Variants in CDIN1 observed in about 807,000 individuals in gnomAD.
CDIN1 encodes CDAN1-interacting nuclease 1.
A neutral mutation model predicts 45.3 loss-of-function variants in CDIN1; 33 were observed. That is an observed-to-expected ratio of 0.73 (90% CI 0.55 to 0.97). The LOEUF is 0.97. Ranked by LOEUF, CDIN1 falls within the 50% of genes least tolerant of loss-of-function variation. CDIN1 has a pLI of 0.00. For synonymous variants in CDIN1, 118 were observed against 124.4 expected, an observed-to-expected ratio of 0.95 and a Z score of 0.34; for missense variants, 303 against 339.4, an observed-to-expected ratio of 0.89 and a Z score of 0.84.
intron 10 of CDIN1, among the ~76,000 whole-genome samples, chr15:36,800,909 G>GTATATATATATA (rs370036091): frequency 0.029 from 651 of 22,288 alleles, 71 homozygotes; most frequent in East Asian, 0.053. Flanking sequence ...GTGTGTGTGT[G>GTATATATATATA]TATATATATA....
At chr15:36,655,675 T>G (rs562588461) in intron 4 of CDIN1, among the ~76,000 whole-genome samples, 1 of 152,328 alleles carries the variant, frequency 6.6e-6, no homozygotes, top group South Asian at 2.1e-4. Flanking sequence ...AAGTTTATGC[T>G]ATTAGTAACT....
intron 10 of CDIN1, among the ~76,000 whole-genome samples, chr15:36,772,132 A>G (rs2054096087): frequency 6.6e-6 from 1 of 152,128 alleles, no homozygotes; most frequent in African/African-American, 2.4e-5. Context: ...AACACATCAT[A>G]TCTTCAAGTA....
At chr15:36,591,666 C>T (rs717316) in intron 1 of CDIN1, 88,197 of 152,028 alleles carry the variant, frequency 0.58, 25,867 homozygotes, top group Middle Eastern at 0.68. Flanking sequence ...TAAAACATTG[C>T]TTGGGAGGGA....
intron 5 of CDIN1, among the ~76,000 whole-genome samples, chr15:36,660,083 T>C (rs1949310534): frequency 6.8e-6 from 1 of 148,016 alleles, no homozygotes; most frequent in Non-Finnish European, 1.5e-5. Flanking sequence ...TCAATGCACA[T>C]GGCTCCGCAG....
chr15:36,737,525 C>T (rs959666236), intron 10 of CDIN1, among the ~76,000 whole-genome samples: 3 of 152,144 alleles, frequency 2.0e-5, no homozygotes, highest in African/African-American at 7.2e-5. Flanking sequence ...CTTTTGTGGA[C>T]AGCTGACTTC....
intron 10 of CDIN1, among the ~76,000 whole-genome samples, chr15:36,801,734 G>A (rs2055055940): frequency 6.6e-6 from 1 of 152,152 alleles, no homozygotes; most frequent in Non-Finnish European, 1.5e-5. Flanking sequence ...TAGTGATTCT[G>A]TAATTCTCAT....
At chr15:36,744,859 A>T (rs1344331342) in intron 10 of CDIN1, among the ~76,000 whole-genome samples, 1 of 152,216 alleles carries the variant, frequency 6.6e-6, no homozygotes, top group African/African-American at 2.4e-5. Context: ...TCTCTGTGGC[A>T]TGAAGTTTTT....
intron 1 of CDIN1, among the ~76,000 whole-genome samples, chr15:36,622,253 AG>A (rs1304085449): frequency 6.6e-6 from 1 of 152,116 alleles, no homozygotes; most frequent in Non-Finnish European, 1.5e-5. Flanking sequence ...TGTCACGTGT[AG>A]AGTGAAGCTA....
chr15:36,764,312 A>G (rs1406977615), intron 10 of CDIN1, among the ~76,000 whole-genome samples: 2 of 149,774 alleles, frequency 1.3e-5, no homozygotes, highest in Non-Finnish European at 3.0e-5. Context: ...TGACTTTTAG[A>G]GATAATTCTG....
intron 10 of CDIN1, among the ~76,000 whole-genome samples, chr15:36,725,769 A>G (rs2043600703): frequency 6.6e-6 from 1 of 152,110 alleles, no homozygotes; most frequent in Non-Finnish European, 1.5e-5. Context: ...TTAATTTAGT[A>G]TATCATGGTG....
chr15:36,668,505 A>G (rs1595446573), intron 5 of CDIN1, among the ~76,000 whole-genome samples: 1 of 152,254 alleles, frequency 6.6e-6, no homozygotes, highest in African/African-American at 2.4e-5. Context: ...ACCCAAGCCT[A>G]CATGTCCTGC....
intron 4 of CDIN1, among the ~76,000 whole-genome samples, chr15:36,656,424 G>C (rs2040785831): frequency 1.3e-5 from 2 of 152,038 alleles, no homozygotes; most frequent in African/African-American, 4.8e-5. Context: ...TACTTTTCCA[G>C]TTTCAAGTCT....
chr15:36,602,959 G>A (rs942841743), intron 1 of CDIN1, among the ~76,000 whole-genome samples: 1 of 151,778 alleles, frequency 6.6e-6, no homozygotes, highest in African/African-American at 2.4e-5. Context: ...CTGCACTCCA[G>A]CCTGGGTGAC....
intron 8 of CDIN1, among the ~76,000 whole-genome samples, chr15:36,700,061 T>A (rs942783503): frequency 6.6e-6 from 1 of 152,216 alleles, no homozygotes; most frequent in Non-Finnish European, 1.5e-5. Context: ...ATAAGTCAGA[T>A]GAAGTGTCTG....
chr15:36,580,486 A>C (rs560322160), intron 1 of CDIN1, among the ~76,000 whole-genome samples: 1 of 152,326 alleles, frequency 6.6e-6, no homozygotes, highest in South Asian at 2.1e-4. Flanking sequence ...CAGGGTACCC[A>C]GGGATTCCAC....
intron 1 of CDIN1, among the ~76,000 whole-genome samples, chr15:36,585,049 G>A (rs12708543): frequency 0.37 from 55,501 of 151,940 alleles, 10,288 homozygotes; most frequent in Middle Eastern, 0.46. Flanking sequence ...AGAAGCCCCT[G>A]GTCCAATCAG....
chr15:36,696,000 G>A (rs2042410488), intron 7 of CDIN1, among the ~76,000 whole-genome samples: 2 of 151,992 alleles, frequency 1.3e-5, no homozygotes, highest in Non-Finnish European at 2.9e-5. Flanking sequence ...TTTTTGAGAA[G>A]CTATATGGAG....
rs1566991634 is a variant in CDIN1 at position 36,809,288 on chromosome 15, G to A, written c.*835G>A. The stretch of plus-strand genomic sequence containing the variant: ...AACATGGCTAGTTGTCAGTATGTAC[G>A]TGAGCTAGTATTTTTATGAGTCGAG... On this transcript the variant is annotated 3_prime_UTR_variant, in exon 11 of 11. Transcript: ENST00000566621. The A allele has an allele frequency of 4.8e-6, 1 of 209,042 alleles. No individual in the cohort carries two copies. Among genetic ancestry groups the A allele is most frequent in the Admixed American group, 5.4e-5 (1 of 18,546 alleles). 12.9% of individuals were successfully genotyped at this position (209,042 alleles called of 1,614,324 possible).
Position 36,657,846 on chromosome 15 carries a change from C to T in CDIN1, c.287C>T (p.Pro96Leu). Residue 96 changes from proline to leucine, a missense_variant, in exon 5 of 11, where the codon CCC becomes CTC. Coordinates refer to ENST00000566621, the MANE Select transcript of CDIN1 (RefSeq NM_001321759.2). ...LDLANEVDYA[P>L]SLMARLILER... ...TGTTTTATAAAGGTGGACTATGCGCCCTCATTAATGGCTCGGCTTATACTG... is the reference window on the plus strand; with the variant it reads ...TGTTTTATAAAGGTGGACTATGCGCTCTCATTAATGGCTCGGCTTATACTG... The T allele has an allele frequency of 6.2e-7, 1 of 1,611,672 alleles. No individual in the cohort carries two copies. Among genetic ancestry groups the T allele is most frequent in the Non-Finnish European group, 8.5e-7 (1 of 1,178,804 alleles).
Sources: allele counts gnomAD v4.1 joint callset (sites outside exome capture counted in the v4.1 genomes callset), GRCh38; gene constraint gnomAD v4.1.1; transcripts MANE v1.5; gene names NCBI Gene and HGNC (gene_info 2026-07-23, HGNC 2026-07-21).